PTPRJ: variants seen among roughly 807,000 people sequenced by gnomAD.
PTPRJ encodes the protein receptor-type tyrosine-protein phosphatase eta.
PTPRJ carries 129 observed loss-of-function variants against 141.3 expected under a neutral mutation model. The observed-to-expected ratio is 0.91, with a 90% CI of 0.79 to 1.06. The LOEUF (loss-of-function observed/expected upper bound fraction) is 1.06. Ranked by LOEUF, PTPRJ falls within the 50% of genes least tolerant of loss-of-function variation. The pLI is 0.00. For synonymous variants in PTPRJ, 610 were observed against 640.5 expected (o/e 0.95, Z 0.72); for missense variants, 1,601 against 1,679.7 (o/e 0.95, Z 0.82).
At chr11:48,099,922 G>A (rs1217415130) in intron 1 of PTPRJ, among the ~76,000 whole-genome samples, 1 of 152,140 alleles carries the variant, frequency 6.6e-6, no homozygotes, top group African/African-American at 2.4e-5. Context: ...AGGGACTGTT[G>A]TAGGCGGGAG....
At chr11:48,115,183 T>C (rs1379534748) in intron 3 of PTPRJ, among the ~76,000 whole-genome samples, 2 of 152,060 alleles carry the variant, frequency 1.3e-5, no homozygotes, top group African/African-American at 2.4e-5. Flanking sequence ...GAGAAAGATA[T>C]AAATATCCAG....
chr11:48,035,959 A>G (rs1854114859), intron 1 of PTPRJ, among the ~76,000 whole-genome samples: 1 of 152,208 alleles, frequency 6.6e-6, no homozygotes, highest in Non-Finnish European at 1.5e-5. Flanking sequence ...TTACTACCCC[A>G]TTTGGGGTTG....
intron 15 of PTPRJ, among the ~76,000 whole-genome samples, chr11:48,149,231 A>G (rs61915921): frequency 0.034 from 5,121 of 152,328 alleles, 131 homozygotes; most frequent in Non-Finnish European, 0.052. Flanking sequence ...TAGATAGTAC[A>G]AAAGAAAATA....
chr11:48,156,197 C>A, intron 21 of PTPRJ, 78 bp downstream of exon 21: 1 of 1,281,580 alleles, frequency 7.8e-7, no homozygotes, highest in Non-Finnish European at 1.1e-6. Context: ...ATCTTAAAAA[C>A]CATTTGTTTC....
At chr11:47,988,879 GTTTT>G (rs869194701) in intron 1 of PTPRJ, among the ~76,000 whole-genome samples, 79 of 76,320 alleles carry the variant, frequency 1.0e-3, no homozygotes, top group African/African-American at 5.2e-3. Flanking sequence ...ATTGTATCTT[GTTTT>G]TTTTTTTTTT....
At chr11:48,048,348 G>T (rs1405003585) in intron 1 of PTPRJ, among the ~76,000 whole-genome samples, 1 of 152,194 alleles carries the variant, frequency 6.6e-6, no homozygotes, top group African/African-American at 2.4e-5. Context: ...CCCCGCTGCT[G>T]GGAAGACTCC....
chr11:48,057,785 C>G (rs907605587), intron 1 of PTPRJ, among the ~76,000 whole-genome samples: 10 of 152,128 alleles, frequency 6.6e-5, no homozygotes, highest in Non-Finnish European at 1.2e-4. Flanking sequence ...TCCCCAACAC[C>G]CCAGCAAAAC....
chr11:48,169,401 T>A lies in PTPRJ; in HGVS notation c.*2039T>A, dbSNP rs531543941. 16 of 152,290 alleles carry A rather than the reference T, an allele frequency of 1.1e-4. No individual in the cohort carries two copies. Among genetic ancestry groups the A allele is most frequent in the African/African-American group, 3.9e-4 (16 of 41,558 alleles). 9.4% of individuals were successfully genotyped at this position (152,290 alleles called of 1,614,324 possible). A position where few individuals can be genotyped will look rare whatever the true frequency, so the allele number is the denominator to read the frequency against. On this transcript the variant is annotated 3_prime_UTR_variant, in exon 25 of 25. Transcript: ENST00000418331. ...AACTTCAGAGGGGGCCTTGGCTCAG[T>A]AGGTGTGAATCAGGGAAGCCACATT... is the stretch of plus-strand genomic sequence containing the variant.
rs1856953342 is a variant in PTPRJ at position 48,130,615 on chromosome 11, T to C, written c.1514T>C (p.Ile505Thr). 11 of 1,613,904 alleles carry C rather than the reference T, an allele frequency of 6.8e-6. No homozygotes were observed. Among genetic ancestry groups the C allele is most frequent in the Non-Finnish European group, 9.3e-6 (11 of 1,179,978 alleles). The change falls in exon 8 of 25, where the codon ATC (isoleucine) becomes ACC (threonine). Residue 505 changes from isoleucine to threonine, a missense_variant. Coordinates refer to ENST00000418331, the MANE Select transcript of PTPRJ (RefSeq NM_002843.4). ...GAAATAACCACCAACCAAAGTATTA[T>C]CATTGGTGGCTTGTTCCCTGGAACC... ...RVEITTNQSI[I>T]IGGLFPGTKY...
chr11:48,150,824 T>C lies in PTPRJ; in HGVS notation c.3138+641T>C, dbSNP rs144910987. Among the ~76,000 whole-genome samples, 31 of 152,320 alleles carry C rather than the reference T, an allele frequency of 2.0e-4. No homozygotes were observed. The East Asian group carries it at 5.6e-3, about 28-fold the overall frequency. On this transcript the variant is annotated intron_variant, in intron 18 of 24. Transcript: ENST00000418331. ...GCACACTCGTCCTCCTGTGCTGCCC[T>C]GTCCAGCATCTCTGCCTTTGCTCTC...
intron 3 of PTPRJ, among the ~76,000 whole-genome samples, chr11:48,117,540 CAAAAAAAAAAAAAAAAAAAA>C (rs71045545): frequency 0.031 from 607 of 19,720 alleles, 20 homozygotes; most frequent in African/African-American, 0.14. Flanking sequence ...GATTCTGTCT[CAAAAAAAAAAAAAAAAAAAA>C]AAAAAAAAAA....
intron 1 of PTPRJ, among the ~76,000 whole-genome samples, chr11:48,041,360 A>G (rs747842387): frequency 6.6e-6 from 1 of 152,186 alleles, no homozygotes; most frequent in Non-Finnish European, 1.5e-5. Flanking sequence ...ACTGCTACTC[A>G]TTGAAGGCCT....
intron 1 of PTPRJ, among the ~76,000 whole-genome samples, chr11:48,042,027 T>C (rs1478195631): frequency 6.6e-6 from 1 of 150,720 alleles, no homozygotes; most frequent in East Asian, 2.0e-4. Context: ...AGGAAGGCTT[T>C]TCCTTCTCAA....
At chr11:48,020,040 T>A (rs964886017) in intron 1 of PTPRJ, among the ~76,000 whole-genome samples, 3 of 152,208 alleles carry the variant, frequency 2.0e-5, no homozygotes, top group African/African-American at 4.8e-5. Flanking sequence ...CTGAGATCCC[T>A]GTTTCTATGC....
rs73452004 is a variant in PTPRJ, at chr11:48,167,428, G to A, written c.*66G>A. ...CACCCACAGCGAAGGCACATGCCCC[G>A]ATGTCGACATGTTTTTATATGTCTA... On this transcript the variant is annotated 3_prime_UTR_variant, in exon 25 of 25. Coordinates refer to ENST00000418331, the MANE Select transcript of PTPRJ (RefSeq NM_002843.4). 6.9e-5 allele frequency: 103 copies of A among 1,499,346 alleles called. 1 individual carries two copies. The African/African-American group carries it at 1.2e-3, about 17-fold the overall frequency. The allele number at this position is 1,499,346 out of a possible 1,614,324, so 92.9% of individuals were successfully genotyped here.
At chr11:48,057,769 G>C (rs930792795) in intron 1 of PTPRJ, among the ~76,000 whole-genome samples, 2 of 152,112 alleles carry the variant, frequency 1.3e-5, no homozygotes, top group African/African-American at 4.8e-5. Context: ...GACTATTAAA[G>C]AAAGCTCCCC....
At chr11:48,080,148 C>T (rs747913841) in intron 1 of PTPRJ, among the ~76,000 whole-genome samples, 12 of 152,196 alleles carry the variant, frequency 7.9e-5, no homozygotes, top group Non-Finnish European at 1.5e-4. Flanking sequence ...TGGTCTAAGC[C>T]TCTCATTTTG....
At chr11:48,138,861 C>CG (rs2134362381) in intron 10 of PTPRJ, among the ~76,000 whole-genome samples, 1 of 152,270 alleles carries the variant, frequency 6.6e-6, no homozygotes, top group East Asian at 1.9e-4. Flanking sequence ...CTTGGCTGGG[C>CG]TGGTGGCTCA....
chr11:48,106,382 A>G (rs1361731160), intron 1 of PTPRJ, among the ~76,000 whole-genome samples: 1 of 152,218 alleles, frequency 6.6e-6, no homozygotes, highest in Non-Finnish European at 1.5e-5. Context: ...AGTGTTTCTC[A>G]GCCCTAGGAT....
Sources: gnomAD v4.1 joint callset for allele counts (sites outside exome capture counted in the v4.1 genomes callset) on GRCh38, gnomAD v4.1.1 for gene constraint, MANE v1.5 for transcripts, NCBI Gene and HGNC (gene_info 2026-07-23, HGNC 2026-07-21) for gene names.